The following PDZD2 variants were observed in gnomAD, a reference collection of about 807,000 sequenced individuals.
PDZD2 encodes the protein PDZ domain containing 2, also known as PDZ domain-containing protein 2.
In PDZD2, 90 loss-of-function variants were observed where a neutral mutation model predicts 220.7. That is an observed-to-expected ratio of 0.41 (90% CI 0.34 to 0.49). The LOEUF is 0.49. Among genes scored for constraint, PDZD2 ranks in the 20% least tolerant of loss-of-function variants. The probability of loss-of-function intolerance (pLI) is 0.28; values close to 1 mark genes in which losing one functional copy is unlikely to be tolerated. For synonymous variants in PDZD2, 1,375 were observed against 1,450.5 expected (o/e 0.95, Z 1.18); for missense variants, 3,174 against 3,608.5 (o/e 0.88, Z 3.08).
chr5:31,663,845 G>A (rs550286560), intron 1 of PDZD2, among the ~76,000 whole-genome samples: 1 of 150,818 alleles, frequency 6.6e-6, no homozygotes, highest in African/African-American at 2.5e-5. Flanking sequence ...CTTTGGTGTG[G>A]AAGTTTAGGG....
rs56790308 is a variant in PDZD2 at position 31,725,378 on chromosome 5, T to C, written c.-360-73511T>C. 5.5e-3 allele frequency among the ~76,000 whole-genome samples: 828 copies of C among 150,580 alleles called. 15 individuals are homozygous for C. The highest frequency in any genetic ancestry group is 0.019 in the African/African-American group (792 of 41,088). On this transcript the variant is annotated intron_variant, in intron 1 of 24. Coordinates refer to ENST00000438447, the MANE Select transcript of PDZD2 (RefSeq NM_178140.4). The stretch of plus-strand genomic sequence containing the variant: ...AAAAAAGAGTGGCTTCTCAACAGCA[T>C]ATTGTTTTAATTATAACCATTGCCT...
chr5:31,855,147 G>T, intron 2 of PDZD2: 1 of 982,152 alleles, frequency 1.0e-6, no homozygotes, highest in Non-Finnish European at 1.2e-6. Flanking sequence ...GGAACCCTCC[G>T]AAGGTGACTT....
chr5:31,948,650 G>A (rs905133290), intron 2 of PDZD2, among the ~76,000 whole-genome samples: 1 of 152,144 alleles, frequency 6.6e-6, no homozygotes, highest in African/African-American at 2.4e-5. Flanking sequence ...AATAAAATAC[G>A]AGAAATTCTA....
intron 7 of PDZD2, among the ~76,000 whole-genome samples, chr5:32,046,074 C>T (rs183994716): frequency 6.6e-6 from 1 of 152,176 alleles, no homozygotes; most frequent in Admixed American, 6.5e-5. Context: ...TACATGTACA[C>T]ACGCAGATAG....
chr5:31,760,092 C>A (rs1286154604), intron 1 of PDZD2, among the ~76,000 whole-genome samples: 2 of 152,136 alleles, frequency 1.3e-5, no homozygotes, highest in African/African-American at 4.8e-5. Flanking sequence ...TTGCTGGCAC[C>A]TCTTTAAGGA....
At chr5:32,027,733 C>T (rs1754785453) in intron 6 of PDZD2, among the ~76,000 whole-genome samples, 2 of 152,210 alleles carry the variant, frequency 1.3e-5, no homozygotes, top group South Asian at 4.1e-4. Context: ...AATTTCTACA[C>T]GTAACTTGCA....
chr5:32,099,960 G>C (rs1744104965), intron 23 of PDZD2: 2 of 152,258 alleles, frequency 1.3e-5, no homozygotes, highest in South Asian at 4.1e-4. Flanking sequence ...TGGGGGCCCG[G>C]TGCAGTAAGC....
intron 2 of PDZD2, among the ~76,000 whole-genome samples, chr5:31,958,706 G>A (rs562345097): frequency 4.7e-5 from 7 of 149,192 alleles, no homozygotes; most frequent in Non-Finnish European, 8.9e-5. Context: ...CTGCAGCCTC[G>A]ACCTCCTAGG....
intron 3 of PDZD2, among the ~76,000 whole-genome samples, chr5:31,987,637 A>G (rs998717974): frequency 4.6e-5 from 7 of 152,116 alleles, no homozygotes; most frequent in African/African-American, 1.4e-4. Context: ...GGATGTCTCC[A>G]TCTTGGATAT....
intron 1 of PDZD2, among the ~76,000 whole-genome samples, chr5:31,665,662 T>C (rs1477714628): frequency 9.5e-6 from 1 of 105,386 alleles, no homozygotes; most frequent in East Asian, 3.1e-4. Flanking sequence ...CTCCCTTTCC[T>C]GCTGCCTTGT....
chr5:31,837,496 G>A (rs1244437459), intron 2 of PDZD2, among the ~76,000 whole-genome samples: 1 of 152,174 alleles, frequency 6.6e-6, no homozygotes, highest in East Asian at 1.9e-4. Flanking sequence ...GCCGAGGTGG[G>A]CAGATCATTT....
chr5:31,867,146 A>G (rs1738298139), intron 2 of PDZD2, among the ~76,000 whole-genome samples: 1 of 152,184 alleles, frequency 6.6e-6, no homozygotes, highest in African/African-American at 2.4e-5. Context: ...GTATCCTTTA[A>G]AAAGCTTCTC....
intron 2 of PDZD2, among the ~76,000 whole-genome samples, chr5:31,902,551 C>T (rs1170235010): frequency 6.7e-6 from 1 of 149,526 alleles, no homozygotes; most frequent in East Asian, 2.0e-4. Context: ...GGTGCAATTT[C>T]AGCTCACTGC....
Position 31,975,793 on chromosome 5 carries a change from C to CTTTTTTTTTTTTT in PDZD2, c.477-7353_477-7352insTTTTTTTTTTTTT, listed in dbSNP as rs879288343. ...ATGAGCACACTGAAGGTATCAGTCA[C>CTTTTTTTTTTTTT]TTTTTTTTTATTTATTTTTTTTTTT... On this transcript the variant is annotated intron_variant, in intron 2 of 24. Transcript: ENST00000438447. 4.2e-4 allele frequency among the ~76,000 whole-genome samples: 23 copies of CTTTTTTTTTTTTT among 55,182 alleles called. 10 individuals are homozygous for CTTTTTTTTTTTTT. Among genetic ancestry groups the CTTTTTTTTTTTTT allele is most frequent in the Non-Finnish European group, 4.0e-4 (13 of 32,320 alleles). 36.2% of individuals were successfully genotyped at this position (55,182 alleles called of 152,430 possible).
At chr5:32,011,984 G>A (rs1386849149) in intron 6 of PDZD2, among the ~76,000 whole-genome samples, 1 of 152,162 alleles carries the variant, frequency 6.6e-6, no homozygotes, top group Non-Finnish European at 1.5e-5. Flanking sequence ...TGGCACGGCA[G>A]TTACCCTCTG....
intron 2 of PDZD2, among the ~76,000 whole-genome samples, chr5:31,954,993 G>A (rs1747532883): frequency 6.6e-6 from 1 of 152,112 alleles, no homozygotes; most frequent in Non-Finnish European, 1.5e-5. Flanking sequence ...GTGCCAAATT[G>A]AGTGTAATCA....
chr5:32,099,699 C>G (rs987583760), intron 23 of PDZD2: 1 of 152,260 alleles, frequency 6.6e-6, no homozygotes, highest in Non-Finnish European at 1.5e-5. Flanking sequence ...TTCATCCTCA[C>G]AGCTGCCAGT....
chr5:31,999,350 A>T (rs1426599180), intron 4 of PDZD2, among the ~76,000 whole-genome samples: 1 of 148,934 alleles, frequency 6.7e-6, no homozygotes, highest in African/African-American at 2.5e-5. Flanking sequence ...AGACTCAAGG[A>T]TGAAAAAGAA....
At chr5:31,805,082 C>A (rs989150269) in intron 2 of PDZD2, among the ~76,000 whole-genome samples, 1 of 152,182 alleles carries the variant, frequency 6.6e-6, no homozygotes, top group African/African-American at 2.4e-5. Flanking sequence ...GTAATCCCAG[C>A]TACTCGGGAG....
Sources: allele counts gnomAD v4.1 joint callset (sites outside exome capture counted in the v4.1 genomes callset), GRCh38; gene constraint gnomAD v4.1.1; transcripts MANE v1.5; gene names NCBI Gene and HGNC (gene_info 2026-07-23, HGNC 2026-07-21).